ADGRV1: variants seen among roughly 807,000 people sequenced by gnomAD.
ADGRV1 encodes adhesion G protein-coupled receptor V1.
Under a neutral mutation model 596.2 loss-of-function variants are expected in ADGRV1, and 359 were observed. The ratio of observed to expected loss-of-function variants is 0.60; its 90% CI spans 0.55 to 0.66. ADGRV1 has a LOEUF of 0.66. Ranked by LOEUF, ADGRV1 falls within the 30% of genes least tolerant of loss-of-function variation. The probability of loss-of-function intolerance (pLI) is 0.00; values close to 1 mark genes in which losing one functional copy is unlikely to be tolerated. For missense variants in ADGRV1, 7,274 were observed against 7,575.6 expected (o/e 0.96, Z 1.48); for synonymous variants, 2,681 against 2,679.2 (o/e 1.00, Z -0.02).
Position 90,810,841 on chromosome 5 carries a change from C to A in ADGRV1, c.15581C>A (p.Thr5194Asn). 2 of 1,614,050 alleles carry A rather than the reference C, an allele frequency of 1.2e-6. No homozygotes were observed. Among genetic ancestry groups the A allele is most frequent in the Non-Finnish European group, 1.7e-6 (2 of 1,179,910 alleles). ...GVSAIPEKLV[T>N]LHGTPAVSEK... ...TCTGCCATCCCTGAGAAACTTGTCA[C>A]CCTTCATGGCACACCTGCTGTGTCT... Residue 5194 changes from threonine (T) to asparagine (N), a missense_variant, in exon 74 of 90, where the codon ACC becomes AAC. Physicochemically the swap from Thr to Asn is moderately conservative, Grantham distance 65. Coordinates refer to ENST00000405460, the MANE Select transcript of ADGRV1 (RefSeq NM_032119.4).
At position 90,645,378 on chromosome 5, in the gene ADGRV1, G is replaced by A. The variant is rs116658850; in HGVS notation, c.2898+509G>A. On this transcript the variant is annotated intron_variant, in intron 15 of 89. Transcript: ENST00000405460. ...ACCCATTCCTCAAGAGACAAAATTCGAATACCTTTCTGTTTTAGGGGGAGG... is the reference window on the plus strand; with the variant it reads ...ACCCATTCCTCAAGAGACAAAATTCAAATACCTTTCTGTTTTAGGGGGAGG... 8.8e-3 allele frequency among the ~76,000 whole-genome samples: 1,335 copies of A among 152,200 alleles called. 21 individuals carry two copies. Among genetic ancestry groups the A allele is most frequent in the African/African-American group, 0.031 (1,286 of 41,528 alleles).
At chr5:90,561,906 A>G (rs962515322) in intron 1 of ADGRV1, among the ~76,000 whole-genome samples, 1 of 152,124 alleles carries the variant, frequency 6.6e-6, no homozygotes, top group African/African-American at 2.4e-5. Flanking sequence ...ACACAGTTCA[A>G]TTTACCTCCC....
chr5:90,764,238 A>G (rs989333343), intron 59 of ADGRV1, among the ~76,000 whole-genome samples: 3 of 152,106 alleles, frequency 2.0e-5, no homozygotes, highest in African/African-American at 7.2e-5. Context: ...CCCCTCTAGG[A>G]GCTGTTACCA....
chr5:90,957,603 A>G (rs1777592340), intron 83 of ADGRV1, among the ~76,000 whole-genome samples: 1 of 148,004 alleles, frequency 6.8e-6, no homozygotes, highest in South Asian at 2.1e-4. Flanking sequence ...ACATATATGT[A>G]TATATTTTAA....
intron 84 of ADGRV1, among the ~76,000 whole-genome samples, chr5:90,968,503 AG>A (rs143562356): frequency 7.9e-5 from 12 of 152,360 alleles, no homozygotes; most frequent in Non-Finnish European, 1.5e-4. Flanking sequence ...CTAATGGCTT[AG>A]GAAAGCTATT....
chr5:90,783,805 A>G, intron 66 of ADGRV1, 33 bp from the exon 67 acceptor site: 1 of 1,486,664 alleles, frequency 6.7e-7, no homozygotes, highest in Non-Finnish European at 9.2e-7. Flanking sequence ...TAATATGTTT[A>G]GACTCACAGA....
At chr5:90,616,863 T>A (rs930328545) in intron 2 of ADGRV1, among the ~76,000 whole-genome samples, 1 of 152,226 alleles carries the variant, frequency 6.6e-6, no homozygotes, top group Non-Finnish European at 1.5e-5. Flanking sequence ...TCTGTTTTTG[T>A]ACTCCTTAAC....
chr5:91,131,579 T>G (rs1794222284), intron 87 of ADGRV1, among the ~76,000 whole-genome samples: 1 of 152,120 alleles, frequency 6.6e-6, no homozygotes, highest in Non-Finnish European at 1.5e-5. Context: ...ACCTTGCCAG[T>G]AGCTGGGATT....
chr5:91,042,444 G>A (rs912191788), intron 85 of ADGRV1, among the ~76,000 whole-genome samples: 1 of 152,290 alleles, frequency 6.6e-6, no homozygotes, highest in East Asian at 1.9e-4. Flanking sequence ...ATGTTATATT[G>A]CCTAAGCAGG....
chr5:90,884,835 A>C lies in ADGRV1; in HGVS notation c.17856+20978A>C, dbSNP rs75849214. Among the ~76,000 whole-genome samples the C allele has an allele frequency of 4.8e-3, 736 of 152,294 alleles. 2 individuals are homozygous for C. Among genetic ancestry groups the C allele is most frequent in the African/African-American group, 0.017 (694 of 41,570 alleles). ...GCACTGAAAGTTCTACATCTCAGTA[A>C]ATCCTTCAGTCCCAAGCAATCCAGG... On this transcript the variant is annotated intron_variant, in intron 83 of 89. Coordinates refer to ENST00000405460, the MANE Select transcript of ADGRV1 (RefSeq NM_032119.4).
At chr5:91,075,073 T>TG (rs1788729641) in intron 86 of ADGRV1, among the ~76,000 whole-genome samples, 4 of 152,178 alleles carry the variant, frequency 2.6e-5, no homozygotes, top group African/African-American at 7.2e-5. Flanking sequence ...TCCTCATAGG[T>TG]TCTGGATATT....
chr5:91,133,102 G>A (rs926902326), intron 87 of ADGRV1, among the ~76,000 whole-genome samples: 2 of 152,132 alleles, frequency 1.3e-5, no homozygotes, highest in African/African-American at 4.8e-5. Flanking sequence ...GTGATATCAT[G>A]GTGTTTTCTT....
chr5:90,704,370 T>A lies in ADGRV1; in HGVS notation c.8287-19T>A. ...ATTCAATAACGACAGCGGGATTGATTTCTTTCTGTATGACATAGGGGTCGT... is the reference window on the plus strand; with the variant it reads ...ATTCAATAACGACAGCGGGATTGATATCTTTCTGTATGACATAGGGGTCGT... On this transcript the variant is annotated intron_variant, in intron 35 of 89. Transcript: ENST00000405460. 6.8e-7 allele frequency: 1 copy of A among 1,469,756 alleles called. No homozygotes were observed. Among genetic ancestry groups the A allele is most frequent in the Non-Finnish European group, 9.3e-7 (1 of 1,073,384 alleles). 91.0% of individuals were successfully genotyped at this position (1,469,756 alleles called of 1,614,324 possible).
chr5:90,896,528 G>A (rs942753897), intron 83 of ADGRV1, among the ~76,000 whole-genome samples: 4 of 151,994 alleles, frequency 2.6e-5, no homozygotes, highest in Non-Finnish European at 5.9e-5. Flanking sequence ...ACCCCCCTCA[G>A]CCTCCCAAAG....
At chr5:91,091,217 G>A (rs898563878) in intron 86 of ADGRV1, among the ~76,000 whole-genome samples, 4 of 152,232 alleles carry the variant, frequency 2.6e-5, no homozygotes, top group African/African-American at 9.6e-5. Context: ...CTATGGGAAT[G>A]TTACTCATAG....
At chr5:90,625,389 C>A (rs778006304) in intron 6 of ADGRV1, 146 bp downstream of exon 6, 1 of 507,758 alleles carries the variant, frequency 2.0e-6, no homozygotes, top group Non-Finnish European at 3.5e-6. Context: ...ATTTATCTTA[C>A]TTAATTCACA....
chr5:90,654,084 T>A (rs760952727), intron 20 of ADGRV1, 132 bp downstream of exon 20: 1 of 912,128 alleles, frequency 1.1e-6, no homozygotes, highest in Non-Finnish European at 1.7e-6. Flanking sequence ...ATTTCTTTAA[T>A]CAAAACTATG....
intron 83 of ADGRV1, among the ~76,000 whole-genome samples, chr5:90,948,195 T>C (rs983677048): frequency 2.0e-5 from 3 of 152,130 alleles, no homozygotes; most frequent in African/African-American, 4.8e-5. Context: ...TAGGTGATAT[T>C]AGAATTTGAA....
rs6889939 is a variant in ADGRV1 at position 90,629,352 on chromosome 5, T to C, written c.1652T>C (p.Val551Ala). The C allele has an allele frequency of 3.0e-3, 4,882 of 1,613,578 alleles. 115 individuals carry two copies. In the African/African-American group the frequency reaches 0.054, roughly 18 times the overall value. Residue 551 changes from valine to alanine, a missense_variant, in exon 9 of 90, where the codon GTG becomes GCG. Coordinates refer to ENST00000405460, the MANE Select transcript of ADGRV1 (RefSeq NM_032119.4). ...FTRLGGTKGDVRLLYSVLYIP... is the reference protein window; with the variant it reads ...FTRLGGTKGDARLLYSVLYIP... ...AGACTAGGAGGGACTAAAGGAGATGTGAGGTTGCTTTATTCTGTACTTTAC... is the reference window on the plus strand; with the variant it reads ...AGACTAGGAGGGACTAAAGGAGATGCGAGGTTGCTTTATTCTGTACTTTAC...
Sources: allele counts gnomAD v4.1 joint callset (sites outside exome capture counted in the v4.1 genomes callset), GRCh38; gene constraint gnomAD v4.1.1; transcripts MANE v1.5; gene names NCBI Gene and HGNC (gene_info 2026-07-23, HGNC 2026-07-21).